The following STK32A variants were observed in gnomAD, a reference collection of about 807,000 sequenced individuals.
The protein encoded by STK32A is serine/threonine-protein kinase 32A.
A neutral mutation model predicts 53.2 loss-of-function variants in STK32A; 41 were observed. That is an observed-to-expected ratio of 0.77 (90% CI 0.60 to 1.00). The LOEUF (loss-of-function observed/expected upper bound fraction) is 1.00. Among genes scored for constraint, STK32A ranks in the 50% least tolerant of loss-of-function variants. The pLI is 0.00. For missense variants in STK32A, 458 were observed against 485.8 expected, an observed-to-expected ratio of 0.94 and a Z score of 0.54; for synonymous variants, 166 against 162.8, an observed-to-expected ratio of 1.02 and a Z score of -0.15.
At chr5:147,279,635 A>AG (rs143433447) in intron 4 of STK32A, among the ~76,000 whole-genome samples, 1,972 of 152,230 alleles carry the variant, frequency 0.013, 56 homozygotes, top group African/African-American at 0.044. Context: ...ATGTCATGTA[A>AG]GGGGGGGTTT....
Position 147,323,932 on chromosome 5 carries a change from G to A in STK32A, c.295G>A (p.Val99Met), listed in dbSNP as rs970602280. ...SFQDEEDMFM[V>M]VDLLLGGDLR... ...CCAAGATGAGGAAGACATGTTCATG[G>A]TGGTGGACCTCCTGCTGGGTGGAGA... is the stretch of plus-strand genomic sequence containing the variant. The change falls in exon 5 of 13, where the codon GTG becomes ATG. Residue 99 changes from valine (V) to methionine (M), a missense_variant. Val to Met is a conservative substitution (Grantham distance 21). Coordinates refer to ENST00000397936, the MANE Select transcript of STK32A (RefSeq NM_001112724.2). 2.5e-6 allele frequency: 4 copies of A among 1,613,472 alleles called. No individual in the cohort carries two copies. The highest frequency in any genetic ancestry group is 3.4e-6 in the Non-Finnish European group (4 of 1,179,854).
intron 5 of STK32A, among the ~76,000 whole-genome samples, chr5:147,335,809 G>A (rs4705163): frequency 0.13 from 20,200 of 152,182 alleles, 1,565 homozygotes; most frequent in East Asian, 0.28. Flanking sequence ...GTGTGTGCGC[G>A]CGTGCATGCG....
intron 1 of STK32A, among the ~76,000 whole-genome samples, chr5:147,237,198 A>G (rs2151936196): frequency 6.6e-6 from 1 of 152,148 alleles, no homozygotes; most frequent in South Asian, 2.1e-4. Flanking sequence ...CTGTAGTCTC[A>G]GCTACTTGGG....
chr5:147,267,970 C>A (rs1754879244), intron 2 of STK32A, among the ~76,000 whole-genome samples: 1 of 152,178 alleles, frequency 6.6e-6, no homozygotes, highest in Non-Finnish European at 1.5e-5. Flanking sequence ...TAGTTCTAGG[C>A]AGCCTTTAAC....
intron 4 of STK32A, among the ~76,000 whole-genome samples, chr5:147,316,500 A>T (rs1753995833): frequency 6.6e-6 from 1 of 152,230 alleles, no homozygotes; most frequent in African/African-American, 2.4e-5. Flanking sequence ...TGGCTGAAGA[A>T]TGAACATTAT....
chr5:147,254,573 GGC>G (rs1754141718), intron 2 of STK32A, among the ~76,000 whole-genome samples: 1 of 151,964 alleles, frequency 6.6e-6, no homozygotes, highest in Non-Finnish European at 1.5e-5. Context: ...AATAATGGTG[GGC>G]GCACACTTGG....
rs1226417113 is a variant in STK32A at position 147,328,848 on chromosome 5, G to A, written c.434+4777G>A. ...CAAATTTCTGTTTACTCCCTTGTCA[G>A]ATCTTAAAGTAGACTCAATTATGAA... On this transcript the variant is annotated intron_variant, in intron 5 of 12. Transcript: ENST00000397936. 3.3e-5 allele frequency among the ~76,000 whole-genome samples: 5 copies of A among 152,116 alleles called. No individual in the cohort carries two copies. In the East Asian group the frequency reaches 9.6e-4, roughly 29 times the overall value.
At chr5:147,280,268 G>C (rs957439755) in intron 4 of STK32A, among the ~76,000 whole-genome samples, 3 of 152,064 alleles carry the variant, frequency 2.0e-5, no homozygotes, top group Non-Finnish European at 4.4e-5. Flanking sequence ...ACTCAGGAGA[G>C]GGCACAAATC....
At chr5:147,319,587 CAGAGCTATAAGA>C (rs748494860) in intron 4 of STK32A, among the ~76,000 whole-genome samples, 79 of 152,142 alleles carry the variant, frequency 5.2e-4, no homozygotes, top group Non-Finnish European at 9.9e-4. Flanking sequence ...AAAATTATTC[CAGAGCTATAAGA>C]AGAGCTATAA....
intron 1 of STK32A, among the ~76,000 whole-genome samples, chr5:147,238,304 C>T (rs1009111193): frequency 6.6e-6 from 1 of 152,198 alleles, no homozygotes; most frequent in Non-Finnish European, 1.5e-5. Context: ...GCCCAATGCA[C>T]TAATGTTAAA....
At chr5:147,369,670 C>A (rs1756921341) in intron 8 of STK32A, among the ~76,000 whole-genome samples, 1 of 152,110 alleles carries the variant, frequency 6.6e-6, no homozygotes, top group South Asian at 2.1e-4. Flanking sequence ...CTTTCATTTC[C>A]CCCAATTTAG....
intron 4 of STK32A, among the ~76,000 whole-genome samples, chr5:147,302,340 A>G (rs1378948998): frequency 6.6e-6 from 1 of 152,184 alleles, no homozygotes; most frequent in Non-Finnish European, 1.5e-5. Flanking sequence ...TCGAGTACAA[A>G]GTTTGAGGAC....
chr5:147,388,985 T>C (rs907934737), downstream of STK32A, among the ~76,000 whole-genome samples: 1 of 152,190 alleles, frequency 6.6e-6, no homozygotes, highest in African/African-American at 2.4e-5. Flanking sequence ...AATGGGGCTA[T>C]AAACCAAAGC....
intron 4 of STK32A, among the ~76,000 whole-genome samples, chr5:147,279,970 C>T (rs1751974777): frequency 6.6e-6 from 1 of 152,148 alleles, no homozygotes; most frequent in Admixed American, 6.5e-5. Flanking sequence ...AAGAGAGACC[C>T]TCCTCTCCCA....
At chr5:147,381,982 CT>C (rs1757472256) in intron 11 of STK32A, among the ~76,000 whole-genome samples, 2 of 152,074 alleles carry the variant, frequency 1.3e-5, no homozygotes, top group Admixed American at 1.3e-4. Flanking sequence ...AAAAATCACC[CT>C]CAAAAAAATC....
intron 2 of STK32A, among the ~76,000 whole-genome samples, chr5:147,248,733 TG>T (rs1366941101): frequency 6.6e-6 from 1 of 152,182 alleles, no homozygotes; most frequent in African/African-American, 2.4e-5. Context: ...GCACCAGGAA[TG>T]GATAAATCCC....
chr5:147,335,856 T>C (rs1755093792), intron 5 of STK32A, among the ~76,000 whole-genome samples: 3 of 152,238 alleles, frequency 2.0e-5, no homozygotes, highest in Admixed American at 2.0e-4. Context: ...TGAATGTGTG[T>C]GTTACAGAGA....
intron 4 of STK32A, among the ~76,000 whole-genome samples, chr5:147,317,323 C>CTTTTTTTTTTTTTTTTT (rs3064294): frequency 1.1e-4 from 9 of 81,310 alleles, no homozygotes; most frequent in Non-Finnish European, 1.1e-4. Context: ...CTTTTTCTTT[C>CTTTTTTTTTTTTTTTTT]TTTTTTTTTT....
At chr5:147,258,942 T>A (rs928159141) in intron 2 of STK32A, among the ~76,000 whole-genome samples, 24 of 152,162 alleles carry the variant, frequency 1.6e-4, no homozygotes, top group African/African-American at 5.6e-4. Flanking sequence ...TATTATTCTG[T>A]AAGTACTTTA....
Sources: allele counts gnomAD v4.1 joint callset (sites outside exome capture counted in the v4.1 genomes callset), GRCh38; gene constraint gnomAD v4.1.1; transcripts MANE v1.5; gene names NCBI Gene and HGNC (gene_info 2026-07-23, HGNC 2026-07-21).